TMX2: variants seen among roughly 807,000 people sequenced by gnomAD.
TMX2 encodes thioredoxin-related transmembrane protein 2.
In TMX2, 20 loss-of-function variants were observed where a neutral mutation model predicts 33.4. That is an observed-to-expected ratio of 0.60 (90% CI 0.42 to 0.87). The LOEUF is 0.87. Ranked by LOEUF, TMX2 falls within the 40% of genes least tolerant of loss-of-function variation. TMX2 has a pLI of 0.00. For missense variants in TMX2, 340 were observed against 370.7 expected, an observed-to-expected ratio of 0.92 and a Z score of 0.68; for synonymous variants, 166 against 140.7, an observed-to-expected ratio of 1.18 and a Z score of -1.27.
intron 1 of TMX2, among the ~76,000 whole-genome samples, chr11:57,717,281 C>T (rs1322923416): frequency 6.6e-6 from 1 of 152,130 alleles, no homozygotes; most frequent in Non-Finnish European, 1.5e-5. Context: ...CAGAGACGCT[C>T]CTCACTTCCC....
At position 57,721,007 on chromosome 11, in the gene TMX2, G is replaced by GTTT. The variant is rs5792057; in HGVS notation, c.189+8212_189+8214dup. Among the ~76,000 whole-genome samples the GTTT allele has an allele frequency of 1.1e-4, 16 of 144,932 alleles. 1 individual carries two copies. Among genetic ancestry groups the GTTT allele is most frequent in the Non-Finnish European group, 1.7e-4 (11 of 66,432 alleles). ...TTTTATGGGTACTAGAAAGATAGCT[G>GTTT]TTTTTTTTTTTTTTCCTCAGGCCAG... is the stretch of plus-strand genomic sequence containing the variant. On this transcript the variant is annotated intron_variant, in intron 1 of 7. Transcript: ENST00000278422.
chr11:57,732,192 A>G (rs1948448020), intron 1 of TMX2, among the ~76,000 whole-genome samples: 1 of 152,066 alleles, frequency 6.6e-6, no homozygotes, highest in Non-Finnish European at 1.5e-5. Flanking sequence ...TTGTCAGCTC[A>G]TTTTCAGCAA....
intron 1 of TMX2, among the ~76,000 whole-genome samples, chr11:57,716,986 CG>C (rs1947149147): frequency 6.9e-6 from 1 of 145,766 alleles, no homozygotes; most frequent in African/African-American, 2.6e-5. Flanking sequence ...ACTTCTCAGA[CG>C]GGGCGGCTGG....
chr11:57,731,894 T>TATG (rs1257417204), intron 1 of TMX2, among the ~76,000 whole-genome samples: 1 of 152,194 alleles, frequency 6.6e-6, no homozygotes, highest in East Asian at 1.9e-4. Context: ...TGTTGTACTT[T>TATG]ATGGTACCCT....
At position 57,737,614 on chromosome 11, in the gene TMX2, G is replaced by C. The variant is rs143458458; in HGVS notation, c.196G>C (p.Val66Leu). The change falls in exon 2 of 8, where the codon GTG becomes CTG. Residue 66 changes from valine to leucine, a missense_variant. Val to Leu is a conservative substitution (Grantham distance 32). Transcript: ENST00000278422. ...TACTTCGATTCTGTTCCAGAGAGAA[G>C]TGGAGATCCTGATGTTTCTCAGTGC... Reference protein sequence around the residue: ...GNPCDFDWREVEILMFLSAIV... With the variant: ...GNPCDFDWRELEILMFLSAIV... The C allele has an allele frequency of 8.2e-5, 133 of 1,613,924 alleles. No individual in the cohort carries two copies. The highest frequency in any genetic ancestry group is 2.7e-4 in the Admixed American group (16 of 60,002).
At chr11:57,727,819 C>T (rs1336340757) in intron 1 of TMX2, among the ~76,000 whole-genome samples, 1 of 152,140 alleles carries the variant, frequency 6.6e-6, no homozygotes, top group East Asian at 1.9e-4. Flanking sequence ...CTCTGAAGTC[C>T]GCTGAGAGCT....
In TMX2 at chr11:57,740,304, A is replaced by G; in HGVS notation, c.*59A>G. 1.3e-6 allele frequency: 2 copies of G among 1,508,760 alleles called. No individual in the cohort carries two copies. Among genetic ancestry groups the G allele is most frequent in the Non-Finnish European group, 1.8e-6 (2 of 1,130,548 alleles). 93.5% of individuals were successfully genotyped at this position (1,508,760 alleles called of 1,614,324 possible). Reference sequence around the variant, plus strand: ...AATTCCAGGCTCTTTCCATAACCACAAGCCTGAGGCTGCAGCCTTTTATTT... The same window carrying G: ...AATTCCAGGCTCTTTCCATAACCACGAGCCTGAGGCTGCAGCCTTTTATTT... On this transcript the variant is annotated 3_prime_UTR_variant, in exon 8 of 8. Transcript: ENST00000278422.
intron 1 of TMX2, among the ~76,000 whole-genome samples, chr11:57,733,814 C>T (rs1174403972): frequency 1.3e-5 from 2 of 152,170 alleles, no homozygotes; most frequent in Non-Finnish European, 2.9e-5. Context: ...ACCCAAGGCT[C>T]ATTCTGTCTT....
intron 1 of TMX2, among the ~76,000 whole-genome samples, chr11:57,732,435 C>A (rs1948458730): frequency 6.6e-6 from 1 of 152,114 alleles, no homozygotes; most frequent in African/African-American, 2.4e-5. Flanking sequence ...GAGGATCTTT[C>A]ATTTGATATT....
At chr11:57,719,547 G>T (rs1164117620) in intron 1 of TMX2, among the ~76,000 whole-genome samples, 2 of 131,612 alleles carry the variant, frequency 1.5e-5, no homozygotes, top group African/African-American at 5.7e-5. Context: ...TTGAGACAGG[G>T]TCTCACTCTG....
At chr11:57,726,317 G>A (rs1038039052) in intron 1 of TMX2, among the ~76,000 whole-genome samples, 4 of 152,042 alleles carry the variant, frequency 2.6e-5, no homozygotes, top group Non-Finnish European at 5.9e-5. Flanking sequence ...GGAGGCTGAG[G>A]TAGGAGAATT....
chr11:57,717,509 C>G (rs1001777525), intron 1 of TMX2, among the ~76,000 whole-genome samples: 1 of 151,940 alleles, frequency 6.6e-6, no homozygotes, highest in African/African-American at 2.4e-5. Flanking sequence ...GAGACCAGCC[C>G]GGCCAACACA....
In TMX2 at chr11:57,712,659, T is replaced by C; in HGVS notation, c.41T>C (p.Val14Ala). The C allele has an allele frequency of 3.7e-6, 6 of 1,614,172 alleles. No individual in the cohort carries two copies. The highest frequency in any genetic ancestry group is 5.1e-6 in the Non-Finnish European group (6 of 1,180,032). The change falls in exon 1 of 8, where the codon GTG becomes GCG. Residue 14 changes from valine to alanine, a missense_variant. Physicochemically the swap from Val to Ala is moderately conservative, Grantham distance 64 (BLOSUM62 0). Around this residue, in one of 3 missense-constraint regions of TMX2, gnomAD observed 106 missense variants for 82.7 expected, o/e 1.28. Coordinates refer to ENST00000278422, the MANE Select transcript of TMX2 (RefSeq NM_015959.4). Reference sequence around the variant, plus strand: ...CCTCTAATTGCTCTCGTGTATTCGGTGCCGCGACTTTCACGATGGCTCGCC... The same window carrying C: ...CCTCTAATTGCTCTCGTGTATTCGGCGCCGCGACTTTCACGATGGCTCGCC... ...LAPLIALVYS[V>A]PRLSRWLAQP...
intron 1 of TMX2, among the ~76,000 whole-genome samples, chr11:57,716,032 T>A (rs1262026178): frequency 6.6e-6 from 1 of 152,152 alleles, no homozygotes; most frequent in Non-Finnish European, 1.5e-5. Flanking sequence ...TTTCCCCACC[T>A]TTCCCCCCTT....
chr11:57,728,468 G>A (rs911654116), intron 1 of TMX2, among the ~76,000 whole-genome samples: 1 of 152,136 alleles, frequency 6.6e-6, no homozygotes, highest in Non-Finnish European at 1.5e-5. Flanking sequence ...TAAGGTACCA[G>A]CAGGGGCCCA....
At chr11:57,733,721 A>G (rs1324833597) in intron 1 of TMX2, among the ~76,000 whole-genome samples, 2 of 152,170 alleles carry the variant, frequency 1.3e-5, no homozygotes, top group African/African-American at 4.8e-5. Context: ...TCTCTTCTGT[A>G]TGCTTCAAAT....
rs1487140246 is a variant in TMX2 at position 57,725,540 on chromosome 11, C to T, written c.190-12068C>T. The stretch of plus-strand genomic sequence containing the variant: ...TCACTTGTGGTCAGGAGTTTGAGAC[C>T]AGCCTGGCTAACAGAATGAAACCCT... On this transcript the variant is annotated intron_variant, in intron 1 of 7. Transcript: ENST00000278422. Among the ~76,000 whole-genome samples the T allele has an allele frequency of 2.6e-5, 4 of 152,228 alleles. No individual in the cohort carries two copies. The South Asian group carries it at 8.3e-4, about 32-fold the overall frequency.
chr11:57,718,328 G>T, intron 1 of TMX2: 1 of 1,555,502 alleles, frequency 6.4e-7, no homozygotes, highest in Non-Finnish European at 8.9e-7. Flanking sequence ...TGCCATTATG[G>T]CGTGTGAAGT....
chr11:57,728,927 AAC>A lies in TMX2; in HGVS notation c.190-8675_190-8674del, dbSNP rs376398105. On this transcript the variant is annotated intron_variant, in intron 1 of 7. Coordinates refer to ENST00000278422, the MANE Select transcript of TMX2 (RefSeq NM_015959.4). ...AATTTAAAAAATGGCTCATCCAGGA[AAC>A]ACACATGAGGGCTGATCACCCAGCG... Among the ~76,000 whole-genome samples, 51 of 152,202 alleles carry A rather than the reference AAC, an allele frequency of 3.4e-4. No homozygotes were observed. The East Asian group carries it at 8.1e-3, about 24-fold the overall frequency.
Sources: allele counts gnomAD v4.1 joint callset (sites outside exome capture counted in the v4.1 genomes callset), GRCh38; gene constraint gnomAD v4.1.1; regional missense constraint gnomAD v4.1.1; transcripts MANE v1.5; gene names NCBI Gene and HGNC (gene_info 2026-07-23, HGNC 2026-07-21).